Variants in PPP2R5C observed in about 807,000 individuals in gnomAD.
The protein encoded by PPP2R5C is serine/threonine-protein phosphatase 2A 56 kDa regulatory subunit gamma isoform.
Under a neutral mutation model 68.9 loss-of-function variants are expected in PPP2R5C, and 7 were observed. The observed-to-expected ratio is 0.10, with a 90% confidence interval of 0.06 to 0.19. The LOEUF (loss-of-function observed/expected upper bound fraction) is 0.19. Among genes scored for constraint, PPP2R5C ranks in the 10% least tolerant of loss-of-function variants. The probability of loss-of-function intolerance (pLI) is 1.00; values close to 1 mark genes in which losing one functional copy is unlikely to be tolerated. For missense variants in PPP2R5C, 348 were observed against 641.3 expected, an observed-to-expected ratio of 0.54 and a Z score of 4.94; for synonymous variants, 210 against 222.2, an observed-to-expected ratio of 0.95 and a Z score of 0.49.
chr14:101,845,489 C>A (rs2041772570), intron 1 of PPP2R5C, among the ~76,000 whole-genome samples: 1 of 152,194 alleles, frequency 6.6e-6, no homozygotes, highest in African/African-American at 2.4e-5. Flanking sequence ...CCACCCATTC[C>A]CTGGTAGAAG....
At chr14:101,780,010 C>G (rs146197520) in intron 2 of PPP2R5C, among the ~76,000 whole-genome samples, 33 of 152,334 alleles carry the variant, frequency 2.2e-4, no homozygotes, top group African/African-American at 7.2e-4. Context: ...CCATCATCCA[C>G]TGCAACCCAT....
intron 13 of PPP2R5C, among the ~76,000 whole-genome samples, chr14:101,922,414 A>G (rs1227099288): frequency 2.6e-5 from 4 of 151,720 alleles, no homozygotes; most frequent in Non-Finnish European, 5.9e-5. Flanking sequence ...GCTTGAACCC[A>G]GGAGGTGGAG....
At chr14:101,855,723 A>G (rs573262584) in intron 1 of PPP2R5C, among the ~76,000 whole-genome samples, 2 of 152,320 alleles carry the variant, frequency 1.3e-5, no homozygotes, top group Admixed American at 1.3e-4. Flanking sequence ...TCTTCAGCCC[A>G]GGGAAGATGT....
At chr14:101,911,693 G>C (rs564440639) in intron 11 of PPP2R5C, among the ~76,000 whole-genome samples, 64 of 152,132 alleles carry the variant, frequency 4.2e-4, no homozygotes, top group African/African-American at 1.4e-3. Context: ...GACCAGCCTG[G>C]CCAATATTGT....
At chr14:101,840,844 A>G (rs930167429) in intron 1 of PPP2R5C, among the ~76,000 whole-genome samples, 1 of 152,128 alleles carries the variant, frequency 6.6e-6, no homozygotes, top group Non-Finnish European at 1.5e-5. Flanking sequence ...ATTTGGTACA[A>G]ATTTAGTTGC....
At chr14:101,839,602 C>T (rs2041335077) in intron 1 of PPP2R5C, 1 of 152,268 alleles carries the variant, frequency 6.6e-6, no homozygotes, top group Non-Finnish European at 1.5e-5. Context: ...TTACAAAATT[C>T]CCTGTCGTTT....
At chr14:101,798,180 G>T (rs1341244352) in intron 3 of PPP2R5C, among the ~76,000 whole-genome samples, 2 of 150,174 alleles carry the variant, frequency 1.3e-5, no homozygotes, top group Non-Finnish European at 2.9e-5. Context: ...GCTGGCCAGC[G>T]CAGTGTGAGT....
intron 1 of PPP2R5C, chr14:101,819,322 G>A (rs1244856742): frequency 4.5e-6 from 2 of 443,882 alleles, no homozygotes; most frequent in African/African-American, 1.9e-5. Context: ...TGCTTTCCAG[G>A]GGGTTTGCAA....
rs888275022 is a variant in PPP2R5C, at chr14:101,916,221, G to A, written c.1327-1610G>A. Among the ~76,000 whole-genome samples the A allele has an allele frequency of 6.6e-6, 1 of 151,640 alleles. No homozygotes were observed. Among genetic ancestry groups the A allele is most frequent in the Non-Finnish European group, 1.5e-5 (1 of 67,878 alleles). ...TAGGGTGTGGAGATGTGTGGAGATC[G>A]TGGTGCTGGGCGGAGCTGTGGGAGT... is the stretch of plus-strand genomic sequence containing the variant. On this transcript the variant is annotated intron_variant, in intron 12 of 13. Transcript: ENST00000334743. The surrounding 1 kb of genome is among the most constrained non-coding windows in gnomAD (Gnocchi z 5.5).
At chr14:101,860,155 A>G (rs2042664632) in intron 2 of PPP2R5C, among the ~76,000 whole-genome samples, 1 of 152,140 alleles carries the variant, frequency 6.6e-6, no homozygotes, top group Non-Finnish European at 1.5e-5. Flanking sequence ...TCATCCCCTC[A>G]AAAAGAAATC....
chr14:101,852,645 AT>A (rs35999659), intron 1 of PPP2R5C, among the ~76,000 whole-genome samples: 18,101 of 151,040 alleles, frequency 0.12, 1,227 homozygotes, highest in African/African-American at 0.17. Flanking sequence ...ATTATTTTGT[AT>A]TTTTTAGTAG....
chr14:101,798,569 G>A (rs2038721148), intron 3 of PPP2R5C, among the ~76,000 whole-genome samples: 1 of 152,162 alleles, frequency 6.6e-6, no homozygotes, highest in South Asian at 2.1e-4. Flanking sequence ...GCCCAGCCTG[G>A]GCAAAATAGG....
chr14:101,761,011 GGAGGGC>G (rs1566813283), upstream of PPP2R5C, among the ~76,000 whole-genome samples: 17 of 98,932 alleles, frequency 1.7e-4, no homozygotes, highest in African/African-American at 5.3e-4. Context: ...CGAGAGAAGG[GGAGGGC>G]AGGGGACGGG....
At chr14:101,852,397 G>A (rs1177779286) in intron 1 of PPP2R5C, among the ~76,000 whole-genome samples, 1 of 151,170 alleles carries the variant, frequency 6.6e-6, no homozygotes, top group Non-Finnish European at 1.5e-5. Context: ...TTAATAACAG[G>A]CTTCCCTTTA....
chr14:101,823,184 G>C (rs1418468274), intron 1 of PPP2R5C, among the ~76,000 whole-genome samples: 1 of 152,170 alleles, frequency 6.6e-6, no homozygotes, highest in African/African-American at 2.4e-5. Context: ...TCTTTGGCAG[G>C]AAATGGGGAC....
At chr14:101,894,869 G>A (rs1306481136) in intron 8 of PPP2R5C, among the ~76,000 whole-genome samples, 1 of 152,162 alleles carries the variant, frequency 6.6e-6, no homozygotes, top group Non-Finnish European at 1.5e-5. Flanking sequence ...GTGCAATTCA[G>A]TAGTTTCACA....
Position 101,922,152 on chromosome 14 carries a change from C to T in PPP2R5C, c.1444-2989C>T, listed in dbSNP as rs922627473. 3.0e-6 allele frequency: 3 copies of T among 985,408 alleles called. No homozygotes were observed. The African/African-American group carries it at 5.2e-5, about 17-fold the overall frequency. The allele number at this position is 985,408 out of a possible 1,614,324, so 61.0% of individuals were successfully genotyped here. A position where few individuals can be genotyped will look rare whatever the true frequency, so the allele number is the denominator to read the frequency against. The stretch of plus-strand genomic sequence containing the variant: ...GACATGAAGTATTTTCCCTTTTGTC[C>T]ATGTCATTCCAGATTGTGATGGTCA... On this transcript the variant is annotated intron_variant, in intron 13 of 13. Coordinates refer to ENST00000334743, the Ensembl canonical transcript of PPP2R5C.
Position 101,824,693 on chromosome 14 carries a change from C to T in PPP2R5C, c.94+14657C>T, listed in dbSNP as rs28630780. 791 of 153,384 alleles carry T rather than the reference C, an allele frequency of 5.2e-3. 10 individuals are homozygous for T. Among genetic ancestry groups the T allele is most frequent in the African/African-American group, 0.018 (750 of 41,582 alleles). The allele number at this position is 153,384 out of a possible 1,614,324, so 9.5% of individuals were successfully genotyped here. On this transcript the variant is annotated intron_variant, in intron 1 of 13. Transcript: ENST00000334743. Reference sequence around the variant, plus strand: ...CCTAAAGCTGTATTTCACTCACTCACTAATATTTAGAAATCACCCACTTGG... The same window carrying T: ...CCTAAAGCTGTATTTCACTCACTCATTAATATTTAGAAATCACCCACTTGG...
Position 101,899,614 on chromosome 14 carries a change from G to C in PPP2R5C, c.853-2105G>C, listed in dbSNP as rs147716364. Among the ~76,000 whole-genome samples, 572 of 152,352 alleles carry C rather than the reference G, an allele frequency of 3.8e-3. 2 individuals carry two copies. Among genetic ancestry groups the C allele is most frequent in the African/African-American group, 0.014 (562 of 41,582 alleles). On this transcript the variant is annotated intron_variant, in intron 8 of 13. Coordinates refer to ENST00000334743, the Ensembl canonical transcript of PPP2R5C. This position sits in a 1 kb window ranked among gnomAD's most constrained non-coding sequence, Gnocchi z 4.2. ...GAGAAATGGAATAGCTAAATCGGTT[G>C]TGTTGTATAGTTCACAAATTAACAT...
Sources: allele counts gnomAD v4.1 joint callset (sites outside exome capture counted in the v4.1 genomes callset), GRCh38; gene constraint gnomAD v4.1.1; non-coding constraint Gnocchi (gnomAD v3.1); transcripts MANE v1.5; gene names NCBI Gene and HGNC (gene_info 2026-07-23, HGNC 2026-07-21).